SLC2A13: variants seen among roughly 807,000 people sequenced by gnomAD.
The protein encoded by SLC2A13 is proton myo-inositol cotransporter.
In SLC2A13, 32 loss-of-function variants were observed where a neutral mutation model predicts 64.4. The observed-to-expected ratio is 0.50, with a 90% CI of 0.37 to 0.67. The LOEUF is 0.67. SLC2A13 is among the 30% of genes least tolerant of loss of function. SLC2A13 has a pLI of 0.00. For missense variants in SLC2A13, 743 were observed against 829.2 expected (o/e 0.90, Z 1.28); for synonymous variants, 338 against 327.1 (o/e 1.03, Z -0.36).
intron 3 of SLC2A13, among the ~76,000 whole-genome samples, chr12:39,975,923 A>G (rs1309020486): frequency 6.6e-6 from 1 of 152,330 alleles, no homozygotes; most frequent in East Asian, 1.9e-4. Flanking sequence ...CTAAATAGCT[A>G]TGTGCACTAA....
intron 4 of SLC2A13, among the ~76,000 whole-genome samples, chr12:39,901,434 C>T: frequency 6.9e-6 from 1 of 145,492 alleles, no homozygotes; most frequent in Non-Finnish European, 1.5e-5. Context: ...ATTTTCGCAA[C>T]CTACTCATCT....
intron 4 of SLC2A13, among the ~76,000 whole-genome samples, chr12:39,933,969 A>G (rs1218503644): frequency 6.6e-6 from 1 of 152,236 alleles, no homozygotes; most frequent in Non-Finnish European, 1.5e-5. Flanking sequence ...GCCAGATAAA[A>G]TAATAAAAAA....
rs576165586 is a variant in SLC2A13 at position 39,896,565 on chromosome 12, T to C, written c.1035-24604A>G. ...GTATGTGTGTATACATGTATACATA[T>C]ATGTATGTATGTGTGTATATATGTA... On this transcript the variant is annotated intron_variant, in intron 4 of 9. Coordinates refer to ENST00000280871, the MANE Select transcript of SLC2A13 (RefSeq NM_052885.4). Among the ~76,000 whole-genome samples, 82 of 106,838 alleles carry C rather than the reference T, an allele frequency of 7.7e-4. 4 individuals are homozygous for C. In the South Asian group the frequency reaches 0.024, roughly 32 times the overall value. The allele number at this position is 106,838 out of a possible 152,430, so 70.1% of individuals were successfully genotyped here.
rs371130404 is a variant in SLC2A13 at position 39,810,750 on chromosome 12, C to T, written c.1445+19353G>A. On this transcript the variant is annotated intron_variant, in intron 7 of 9. Transcript: ENST00000280871. ...GATGATCATATGATTTTTCTCTTTT[C>T]TTCTCTTAATATAATGAATTACATC... 5.4e-4 allele frequency among the ~76,000 whole-genome samples: 82 copies of T among 152,108 alleles called. 3 individuals are homozygous for T. Among genetic ancestry groups the T allele is most frequent in the East Asian group, 4.2e-3 (22 of 5,178 alleles).
At chr12:39,955,909 C>T (rs1267811365) in intron 3 of SLC2A13, among the ~76,000 whole-genome samples, 2 of 152,092 alleles carry the variant, frequency 1.3e-5, no homozygotes, top group Non-Finnish European at 2.9e-5. Flanking sequence ...GGACACCTGG[C>T]CACCACAACT....
At chr12:39,790,327 G>A (rs1016178391) in intron 7 of SLC2A13, among the ~76,000 whole-genome samples, 12 of 149,854 alleles carry the variant, frequency 8.0e-5, no homozygotes, top group South Asian at 4.3e-4. Context: ...CCACTAACGC[G>A]TCATCTAGCA....
rs145150407 is a variant in SLC2A13 at position 39,795,551 on chromosome 12, T to C, written c.1446-30693A>G. Among the ~76,000 whole-genome samples the C allele has an allele frequency of 5.5e-3, 833 of 152,278 alleles. 4 individuals are homozygous for C. The highest frequency in any genetic ancestry group is 7.7e-3 in the Non-Finnish European group (523 of 68,008). On this transcript the variant is annotated intron_variant, in intron 7 of 9. Transcript: ENST00000280871. ...ACTCATGGTGCCTAGTTCCCTGGTA[T>C]ATTTTATGTCATGAGTTACTCATTT...
At chr12:39,815,540 G>A (rs961050809) in intron 7 of SLC2A13, among the ~76,000 whole-genome samples, 5 of 152,262 alleles carry the variant, frequency 3.3e-5, no homozygotes, top group South Asian at 2.1e-4. Flanking sequence ...CAGGCATAAC[G>A]TCTGGCAGAG....
intron 7 of SLC2A13, among the ~76,000 whole-genome samples, chr12:39,778,463 T>C (rs531900501): frequency 6.6e-6 from 1 of 152,162 alleles, no homozygotes; most frequent in Admixed American, 6.5e-5. Context: ...ACGAAGTTAG[T>C]TATTTCTTTG....
At chr12:39,958,764 T>C (rs1015732820) in intron 3 of SLC2A13, among the ~76,000 whole-genome samples, 3 of 152,256 alleles carry the variant, frequency 2.0e-5, no homozygotes, top group Non-Finnish European at 2.9e-5. Context: ...AGTCCCATAT[T>C]GTTACAATTT....
chr12:40,075,209 C>A (rs1938123440), intron 1 of SLC2A13, among the ~76,000 whole-genome samples: 1 of 152,164 alleles, frequency 6.6e-6, no homozygotes, highest in South Asian at 2.1e-4. Flanking sequence ...GAGTGGAAGA[C>A]CCCTCCACCC....
At chr12:40,057,984 T>C (rs1474771492) in intron 1 of SLC2A13, among the ~76,000 whole-genome samples, 1 of 152,036 alleles carries the variant, frequency 6.6e-6, no homozygotes, top group African/African-American at 2.4e-5. Flanking sequence ...TACAATATTA[T>C]CTTTCCATCT....
At chr12:39,999,609 GTTGT>G (rs962073215) in intron 3 of SLC2A13, among the ~76,000 whole-genome samples, 1 of 152,148 alleles carries the variant, frequency 6.6e-6, no homozygotes, top group Admixed American at 6.5e-5. Flanking sequence ...CCTGTTTTCT[GTTGT>G]TTGTTTATCA....
At chr12:39,896,362 A>ATGTATATGTG (rs1565528168) in intron 4 of SLC2A13, among the ~76,000 whole-genome samples, 1 of 139,642 alleles carries the variant, frequency 7.2e-6, no homozygotes, top group Admixed American at 7.2e-5. Flanking sequence ...GTATATGTGT[A>ATGTATATGTG]TATATGTATA....
chr12:40,019,417 A>AT (rs1947677184), intron 3 of SLC2A13, among the ~76,000 whole-genome samples: 1 of 152,062 alleles, frequency 6.6e-6, no homozygotes, highest in Non-Finnish European at 1.5e-5. Flanking sequence ...GTGGCATGAG[A>AT]TGCAGTCTGC....
intron 4 of SLC2A13, among the ~76,000 whole-genome samples, chr12:39,881,065 C>A (rs1343271995): frequency 6.6e-6 from 1 of 152,108 alleles, no homozygotes; most frequent in African/African-American, 2.4e-5. Flanking sequence ...ATAATTCAAT[C>A]AAATGTTACA....
chr12:39,972,052 A>T (rs59052175), intron 3 of SLC2A13, among the ~76,000 whole-genome samples: 2 of 1,200 alleles, frequency 1.7e-3, no homozygotes, highest in Non-Finnish European at 3.6e-3. Flanking sequence ...ATTATATATA[A>T]TATATAAAAA....
intron 3 of SLC2A13, among the ~76,000 whole-genome samples, chr12:39,993,176 ATC>A (rs1947169081): frequency 6.6e-6 from 1 of 152,232 alleles, no homozygotes; most frequent in African/African-American, 2.4e-5. Context: ...GTTTTATTTC[ATC>A]TCTGTATCAC....
chr12:39,767,361 A>G (rs1940396709), intron 7 of SLC2A13, among the ~76,000 whole-genome samples: 2 of 150,248 alleles, frequency 1.3e-5, no homozygotes, highest in South Asian at 4.2e-4. Flanking sequence ...TCTCCAAACT[A>G]TGCTGTAAAT....
Sources: gnomAD v4.1 joint callset for allele counts (sites outside exome capture counted in the v4.1 genomes callset) on GRCh38, gnomAD v4.1.1 for gene constraint, MANE v1.5 for transcripts, NCBI Gene and HGNC (gene_info 2026-07-23, HGNC 2026-07-21) for gene names.